The following ABCA12 variants were observed in gnomAD, a reference collection of about 807,000 sequenced individuals.
ABCA12 encodes the protein ATP binding cassette subfamily A member 12.
In ABCA12, 156 loss-of-function variants were observed where a neutral mutation model predicts 293.5. That is an observed-to-expected ratio of 0.53 (90% CI 0.47 to 0.61). The LOEUF is 0.61. ABCA12 is among the 20% of genes least tolerant of loss of function. The probability of loss-of-function intolerance (pLI) is 0.00; values close to 1 mark genes in which losing one functional copy is unlikely to be tolerated. For synonymous variants in ABCA12, 1,063 were observed against 1,108.0 expected, an observed-to-expected ratio of 0.96 and a Z score of 0.81; for missense variants, 2,797 against 3,090.2, an observed-to-expected ratio of 0.91 and a Z score of 2.25.
chr2:215,091,770 C>G (rs1046589911), intron 2 of ABCA12, among the ~76,000 whole-genome samples: 1 of 152,182 alleles, frequency 6.6e-6, no homozygotes, highest in Admixed American at 6.5e-5. Context: ...GTGAGAGAAA[C>G]CCCAGCCATA....
intron 2 of ABCA12, among the ~76,000 whole-genome samples, chr2:215,092,937 C>T (rs1702176974): frequency 6.6e-6 from 1 of 152,208 alleles, no homozygotes; most frequent in Non-Finnish European, 1.5e-5. Context: ...TTTATCTGGG[C>T]TGTACTGCCA....
intron 15 of ABCA12, among the ~76,000 whole-genome samples, chr2:215,012,699 A>T (rs903503449): frequency 2.0e-5 from 3 of 152,190 alleles, no homozygotes; most frequent in Non-Finnish European, 4.4e-5. Context: ...AATGTCCTAA[A>T]ATTAGATTGT....
At chr2:214,954,547 CT>C (rs1698883062) in intron 43 of ABCA12, among the ~76,000 whole-genome samples, 2 of 152,148 alleles carry the variant, frequency 1.3e-5, no homozygotes. Flanking sequence ...GCCAACATGT[CT>C]CGAAGAGGGA....
intron 39 of ABCA12, among the ~76,000 whole-genome samples, chr2:214,965,743 G>A (rs1699240100): frequency 2.0e-5 from 3 of 152,114 alleles, no homozygotes; most frequent in Admixed American, 6.6e-5. Context: ...AGATGCTGGC[G>A]AGGTTGCAGA....
intron 2 of ABCA12, among the ~76,000 whole-genome samples, chr2:215,093,894 T>C (rs1442508276): frequency 1.3e-5 from 2 of 152,154 alleles, no homozygotes; most frequent in Admixed American, 6.5e-5. Context: ...TTCAATCCAT[T>C]TGCCCAAATT....
intron 6 of ABCA12, among the ~76,000 whole-genome samples, chr2:215,048,416 C>CA (rs1701246114): frequency 2.8e-5 from 4 of 141,584 alleles, no homozygotes; most frequent in African/African-American, 1.3e-4. Context: ...ACAGAATCAG[C>CA]CGGTGCAGTG....
chr2:215,078,741 G>A (rs1701881610), intron 2 of ABCA12, among the ~76,000 whole-genome samples: 1 of 151,934 alleles, frequency 6.6e-6, no homozygotes, highest in Admixed American at 6.6e-5. Context: ...TGAGAAATAG[G>A]AAAAAAACAC....
At chr2:215,112,312 C>T (rs1334643386) in intron 1 of ABCA12, among the ~76,000 whole-genome samples, 1 of 149,972 alleles carries the variant, frequency 6.7e-6, no homozygotes, top group Admixed American at 6.6e-5. Context: ...TATCATAGAA[C>T]TTACACCGTT....
At chr2:215,032,445 T>C in intron 8 of ABCA12, 1 of 161,958 alleles carries the variant, frequency 6.2e-6, no homozygotes, top group South Asian at 1.7e-4. Context: ...GCTCTGAGAG[T>C]TCTCAAATAA....
rs576640495 is a variant in ABCA12 at position 215,109,319 on chromosome 2, T to A, written c.163+2278A>T. Among the ~76,000 whole-genome samples the A allele has an allele frequency of 1.5e-3, 227 of 152,302 alleles. 2 individuals are homozygous for A. The highest frequency in any genetic ancestry group is 6.8e-3 in the Middle Eastern group (2 of 294). ...GGACAAAGAAGCGGTTTTCACCACC[T>A]TTCTTTCCTATCCCACATGATTGAA... On this transcript the variant is annotated intron_variant, in intron 2 of 52. Transcript: ENST00000272895.
chr2:214,938,771 T>G (rs1488580146), intron 50 of ABCA12, among the ~76,000 whole-genome samples: 2 of 152,260 alleles, frequency 1.3e-5, no homozygotes, highest in African/African-American at 4.8e-5. Flanking sequence ...TTGAGAAGTG[T>G]CTGTTCATAT....
intron 38 of ABCA12, among the ~76,000 whole-genome samples, 155 bp downstream of exon 38, chr2:214,968,548 TGTACATGCTTCCCTAGG>T (rs1450454316): frequency 6.6e-6 from 1 of 152,172 alleles, no homozygotes; most frequent in East Asian, 1.9e-4. Context: ...GATGCTAATG[TGTACATGCTTCCCTAGG>T]GTACATACAC....
intron 2 of ABCA12, among the ~76,000 whole-genome samples, chr2:215,090,742 G>C (rs1038418902): frequency 9.2e-5 from 14 of 152,006 alleles, no homozygotes; most frequent in Admixed American, 9.2e-4. Context: ...CACTTCCCCT[G>C]GGTGACAAGT....
Position 214,997,822 on chromosome 2 carries a change from CAAAA to C in ABCA12, c.3180-17_3180-14del. The C allele has an allele frequency of 6.4e-7, 1 of 1,569,460 alleles. No individual in the cohort carries two copies. The highest frequency in any genetic ancestry group is 8.8e-7 in the Non-Finnish European group (1 of 1,140,618). On this transcript the variant is annotated splice_polypyrimidine_tract_variant and intron_variant, in intron 22 of 52. Transcript: ENST00000272895. ...ACTGGTTAGGAAGCTGTAAAACAAACAAAAAAAGAAAAATTCAGCGACCAAAATG... is the reference window on the plus strand; with the variant it reads ...ACTGGTTAGGAAGCTGTAAAACAAACAAAGAAAAATTCAGCGACCAAAATG...
chr2:214,934,460 G>A (rs1698157727), intron 51 of ABCA12, among the ~76,000 whole-genome samples: 2 of 152,160 alleles, frequency 1.3e-5, no homozygotes, highest in Non-Finnish European at 2.9e-5. Context: ...CTATATTCAT[G>A]TGAAGTTATA....
At chr2:214,978,548 C>T in intron 32 of ABCA12, 82 bp from the exon 33 acceptor site, 1 of 1,521,822 alleles carries the variant, frequency 6.6e-7, no homozygotes, top group Non-Finnish European at 9.0e-7. Flanking sequence ...TGATTTTGAA[C>T]TTTTATCACA....
intron 49 of ABCA12, 118 bp downstream of exon 49, chr2:214,944,883 A>ATC (rs1234840187): frequency 2.8e-6 from 2 of 727,146 alleles, no homozygotes; most frequent in Non-Finnish European, 4.8e-6. Flanking sequence ...GTATATATAT[A>ATC]TATACACACA....
chr2:215,036,949 A>G lies in ABCA12; in HGVS notation c.985+4T>C. The G allele has an allele frequency of 6.2e-7, 1 of 1,612,220 alleles. No individual in the cohort carries two copies. The highest frequency in any genetic ancestry group is 8.5e-7 in the Non-Finnish European group (1 of 1,178,322). On this transcript the variant is annotated splice_donor_region_variant and intron_variant, in intron 8 of 52. Transcript: ENST00000272895. ...TTTAACACAGTAAGATGGAAATATA[A>G]TACCTTGAGCTGGGGAGTCCAGAGT... is the stretch of plus-strand genomic sequence containing the variant.
chr2:215,039,406 C>A (rs924751299), intron 7 of ABCA12, among the ~76,000 whole-genome samples: 1 of 152,168 alleles, frequency 6.6e-6, no homozygotes, highest in East Asian at 1.9e-4. Flanking sequence ...TAATAAACAG[C>A]TGACTTTAAA....
Sources: gnomAD v4.1 joint callset for allele counts (sites outside exome capture counted in the v4.1 genomes callset) on GRCh38, gnomAD v4.1.1 for gene constraint, MANE v1.5 for transcripts, NCBI Gene and HGNC (gene_info 2026-07-23, HGNC 2026-07-21) for gene names.